Variants in GALNT16 observed in about 807,000 individuals in gnomAD.
GALNT16 encodes the protein polypeptide N-acetylgalactosaminyltransferase 16.
A neutral mutation model predicts 76.1 loss-of-function variants in GALNT16; 40 were observed. That is an observed-to-expected ratio of 0.53 (90% confidence interval 0.41 to 0.68). The LOEUF is 0.68. GALNT16 is among the 30% of genes least tolerant of loss of function. The pLI is 0.00. For missense variants in GALNT16, 621 were observed against 731.9 expected, an observed-to-expected ratio of 0.85 and a Z score of 1.75; for synonymous variants, 276 against 285.2, an observed-to-expected ratio of 0.97 and a Z score of 0.32.
chr14:69,284,680 G>A (rs1407495286), intron 1 of GALNT16, among the ~76,000 whole-genome samples: 1 of 152,144 alleles, frequency 6.6e-6, no homozygotes, highest in African/African-American at 2.4e-5. Flanking sequence ...CCTCTGTTCT[G>A]TTTCCTCAGT....
intron 6 of GALNT16, 111 bp downstream of exon 6, chr14:69,328,682 C>A: frequency 9.1e-7 from 1 of 1,099,314 alleles, no homozygotes; most frequent in Non-Finnish European, 1.3e-6. Context: ...CGTAGGAAGC[C>A]CAAATAGTCT....
chr14:69,304,716 T>C (rs991307144), intron 1 of GALNT16, among the ~76,000 whole-genome samples: 1 of 152,242 alleles, frequency 6.6e-6, no homozygotes, highest in Non-Finnish European at 1.5e-5. Flanking sequence ...AGTGGAATCA[T>C]GCAGTATTTG....
chr14:69,286,157 A>G (rs2044608665), intron 1 of GALNT16, among the ~76,000 whole-genome samples: 1 of 152,192 alleles, frequency 6.6e-6, no homozygotes, highest in Non-Finnish European at 1.5e-5. Flanking sequence ...GGGTAGGACA[A>G]CAAAGGGTAG....
At chr14:69,332,873 C>T (rs1382626770) in intron 7 of GALNT16, among the ~76,000 whole-genome samples, 2 of 147,650 alleles carry the variant, frequency 1.4e-5, no homozygotes, top group Admixed American at 6.7e-5. Flanking sequence ...GACATAGTCT[C>T]CACTGATTTA....
At chr14:69,313,947 G>A (rs554749066) in intron 1 of GALNT16, among the ~76,000 whole-genome samples, 1 of 152,326 alleles carries the variant, frequency 6.6e-6, no homozygotes, top group South Asian at 2.1e-4. Flanking sequence ...AAGATCCTGT[G>A]ATTAGCCCCT....
chr14:69,269,623 T>A (rs1207863962), intron 1 of GALNT16, among the ~76,000 whole-genome samples: 2 of 150,568 alleles, frequency 1.3e-5, no homozygotes, highest in Non-Finnish European at 3.0e-5. Context: ...ATGTTGTGTG[T>A]GTGTGGTATG....
In GALNT16 at chr14:69,328,561, G is replaced by C; in HGVS notation, c.680G>C (p.Arg227Pro). 6.2e-7 allele frequency: 1 copy of C among 1,612,918 alleles called. No homozygotes were observed. The highest frequency in any genetic ancestry group is 8.5e-7 in the Non-Finnish European group (1 of 1,179,760). The change falls in exon 6 of 15, where the codon CGG becomes CCG. Residue 227 changes from arginine to proline, a missense_variant. Physicochemically the swap from Arg to Pro is moderately radical, Grantham distance 103. Transcript: ENST00000448469. The part of the protein sequence containing the change: ...NTEWLPPMLQ[R>P]VKEDHTRVVS... ...GAGTGGCTGCCGCCCATGCTGCAGC[G>C]GGTGAAGGAGGTGAGCCACTGTCTC...
rs376296802 is a variant in GALNT16, at chr14:69,341,770, T to C, written c.1271+6T>C. The C allele has an allele frequency of 1.9e-6, 3 of 1,604,024 alleles. No homozygotes were observed. The highest frequency in any genetic ancestry group is 2.6e-6 in the Non-Finnish European group (3 of 1,171,764). Reference sequence around the variant, plus strand: ...AACGTCTACCCAGAGCTCACGTGAGTGCAGCCCTCATCTTGTGCATCCCCC... The same window carrying C: ...AACGTCTACCCAGAGCTCACGTGAGCGCAGCCCTCATCTTGTGCATCCCCC... On this transcript the variant is annotated splice_donor_region_variant and intron_variant, in intron 12 of 14. Transcript: ENST00000448469.
At chr14:69,345,804 C>T (rs1184078174) in intron 12 of GALNT16, among the ~76,000 whole-genome samples, 4 of 150,770 alleles carry the variant, frequency 2.7e-5, no homozygotes, top group Admixed American at 6.6e-5. Flanking sequence ...TATTTTAAAA[C>T]TTGCCTGTTT....
chr14:69,345,851 G>A (rs183979924), intron 12 of GALNT16, among the ~76,000 whole-genome samples: 1 of 151,956 alleles, frequency 6.6e-6, no homozygotes, highest in Non-Finnish European at 1.5e-5. Context: ...TTCCATACTA[G>A]CAAGTATCAT....
chr14:69,351,603 C>G (rs1475228848), intron 14 of GALNT16: 1 of 155,622 alleles, frequency 6.4e-6, no homozygotes, highest in African/African-American at 2.4e-5. Flanking sequence ...TAGGAACACA[C>G]AGCCTGATTT....
At chr14:69,290,472 T>C (rs1890941) in intron 1 of GALNT16, among the ~76,000 whole-genome samples, 43,470 of 152,198 alleles carry the variant, frequency 0.29, 6,776 homozygotes, top group African/African-American at 0.39. Flanking sequence ...TTGGTGCCTC[T>C]GCAGAGGAGC....
At chr14:69,380,508 ACCCCAACCC>A in the GALNT16 span, 2 of 743,148 alleles carry the variant, frequency 2.7e-6, no homozygotes, top group East Asian at 3.0e-5. Flanking sequence ...TTCCAAGCCC[ACCCCAACCC>A]CCCCAGTGCT....
chr14:69,345,843 C>G (rs2045555563), intron 12 of GALNT16, among the ~76,000 whole-genome samples: 1 of 151,908 alleles, frequency 6.6e-6, no homozygotes, highest in Non-Finnish European at 1.5e-5. Context: ...GAACATTTTT[C>G]CATACTAGCA....
intron 1 of GALNT16, among the ~76,000 whole-genome samples, chr14:69,291,529 GGGAAAGGCACCT>G (rs2044686863): frequency 6.6e-6 from 1 of 152,298 alleles, no homozygotes; most frequent in Non-Finnish European, 1.5e-5. Flanking sequence ...TCAGAACAAT[GGGAAAGGCACCT>G]TCTTCCACAG....
chr14:69,282,811 T>C (rs999885560), intron 1 of GALNT16, among the ~76,000 whole-genome samples: 10 of 151,978 alleles, frequency 6.6e-5, no homozygotes, highest in African/African-American at 2.2e-4. Flanking sequence ...AGATTACAGG[T>C]ACACACCACC....
At chr14:69,340,017 C>A (rs935815764) in intron 11 of GALNT16, among the ~76,000 whole-genome samples, 7 of 152,168 alleles carry the variant, frequency 4.6e-5, no homozygotes, top group Non-Finnish European at 1.0e-4. Flanking sequence ...TCTAGTTAAG[C>A]ATTTTCAAAA....
the GALNT16 span, chr14:69,380,073 T>G: frequency 6.6e-6 from 1 of 150,970 alleles, no homozygotes; most frequent in Non-Finnish European, 1.5e-5. Flanking sequence ...AAAAATGCTT[T>G]GCAAGAAAAT....
At chr14:69,307,182 T>A (rs962147292) in intron 1 of GALNT16, among the ~76,000 whole-genome samples, 3 of 152,148 alleles carry the variant, frequency 2.0e-5, no homozygotes, top group African/African-American at 7.2e-5. Flanking sequence ...AAGTCCCATT[T>A]TAGTTGACAC....
Sources: gnomAD v4.1 joint callset for allele counts (sites outside exome capture counted in the v4.1 genomes callset) on GRCh38, gnomAD v4.1.1 for gene constraint, MANE v1.5 for transcripts, NCBI Gene and HGNC (gene_info 2026-07-23, HGNC 2026-07-21) for gene names.